The following ALG14 variants were observed in gnomAD, a reference collection of about 807,000 sequenced individuals.
The protein encoded by ALG14 is UDP-N-acetylglucosamine transferase subunit ALG14.
Under a neutral mutation model 22.8 loss-of-function variants are expected in ALG14, and 17 were observed. That is an observed-to-expected ratio of 0.75 (90% confidence interval 0.51 to 1.12). ALG14 has a LOEUF of 1.12. Among genes scored for constraint, ALG14 ranks in the 50% most tolerant of loss-of-function variants. The pLI is 0.00. For missense variants in ALG14, 288 were observed against 271.8 expected (o/e 1.06, Z -0.42); for synonymous variants, 89 against 103.7 (o/e 0.86, Z 0.86).
At position 94,981,593 on chromosome 1, in the gene ALG14, A is replaced by C. The variant is rs1484245972; in HGVS notation, c.*1483T>G. 6.6e-6 allele frequency: 1 copy of C among 151,360 alleles called. No individual in the cohort carries two copies. 9.4% of individuals were successfully genotyped at this position (151,360 alleles called of 1,614,324 possible). A position where few individuals can be genotyped will look rare whatever the true frequency, so the allele number is the denominator to read the frequency against. The stretch of plus-strand genomic sequence containing the variant: ...ACTAATCACTATTTATTAGATTTAT[A>C]TCATACTTATAAAGCAAAAGATTTA... On this transcript the variant is annotated 3_prime_UTR_variant, in exon 4 of 4. Transcript: ENST00000370205.
chr1:95,029,277 G>A (rs557033533), intron 2 of ALG14, among the ~76,000 whole-genome samples: 1 of 152,292 alleles, frequency 6.6e-6, no homozygotes, highest in East Asian at 1.9e-4. Context: ...TCTTTCCATA[G>A]GGCTCCTTAA....
At position 95,027,230 on chromosome 1, in the gene ALG14, T is replaced by C. The variant is rs1452506487; in HGVS notation, c.319A>G (p.Arg107Gly). The C allele has an allele frequency of 3.7e-6, 6 of 1,614,012 alleles. No individual in the cohort carries two copies. The highest frequency in any genetic ancestry group is 5.1e-6 in the Non-Finnish European group (6 of 1,179,998). Reference sequence around the variant, plus strand: ...CAGGACTGCTGAACCTCCCGGCTTCTTGGAATTCGGTGAATGTAGTATTTG... The same window carrying C: ...CAGGACTGCTGAACCTCCCGGCTTCCTGGAATTCGGTGAATGTAGTATTTG... ...YTKYYIHRIP[R>G]SREVQQSWPS... Residue 107 changes from arginine (R) to glycine (G), a missense_variant, in exon 3 of 4, where the codon AGA (arginine) becomes GGA (glycine). Arg to Gly is a moderately radical substitution (Grantham distance 125). Coordinates refer to ENST00000370205, the MANE Select transcript of ALG14 (RefSeq NM_144988.4).
intron 3 of ALG14, among the ~76,000 whole-genome samples, chr1:95,000,109 TAA>T (rs1347571583): frequency 6.6e-6 from 1 of 152,244 alleles, no homozygotes; most frequent in Non-Finnish European, 1.5e-5. Flanking sequence ...AGTTCCTTCC[TAA>T]ACTCACTGCC....
chr1:95,031,255 C>T (rs1371454368), intron 2 of ALG14, among the ~76,000 whole-genome samples: 1 of 152,150 alleles, frequency 6.6e-6, no homozygotes, highest in Non-Finnish European at 1.5e-5. Context: ...GGAGCCTCTT[C>T]CAAGTCAGAG....
At chr1:95,033,422 C>T (rs11165287) in intron 2 of ALG14, among the ~76,000 whole-genome samples, 2,122 of 69,386 alleles carry the variant, frequency 0.031, 13 homozygotes, top group South Asian at 0.048. Flanking sequence ...TATATATATA[C>T]ACACACACAC....
At chr1:95,045,277 T>C (rs1461508688) in intron 2 of ALG14, among the ~76,000 whole-genome samples, 7 of 152,180 alleles carry the variant, frequency 4.6e-5, no homozygotes, top group Middle Eastern at 3.2e-3. Context: ...ATACCTCTTA[T>C]TTCGACTTAG....
intron 3 of ALG14, among the ~76,000 whole-genome samples, chr1:95,003,106 T>A (rs1002298274): frequency 6.6e-5 from 10 of 152,214 alleles, no homozygotes; most frequent in Non-Finnish European, 1.3e-4. Flanking sequence ...GAGTATTAAC[T>A]ATGGAAGTTT....
At chr1:94,986,831 T>G (rs1672657842) in intron 3 of ALG14, among the ~76,000 whole-genome samples, 2 of 150,830 alleles carry the variant, frequency 1.3e-5, no homozygotes, top group African/African-American at 4.9e-5. Flanking sequence ...AACGAACCAC[T>G]GTATCCTTCG....
chr1:94,993,338 C>A (rs997971080), intron 3 of ALG14, among the ~76,000 whole-genome samples: 2 of 143,918 alleles, frequency 1.4e-5, no homozygotes, highest in Non-Finnish European at 1.5e-5. Flanking sequence ...TATTTTAAAT[C>A]TTATTTATAT....
chr1:95,055,947 T>C (rs1366560656), intron 2 of ALG14, among the ~76,000 whole-genome samples: 1 of 149,736 alleles, frequency 6.7e-6, no homozygotes, highest in Non-Finnish European at 1.5e-5. Flanking sequence ...GAGGCAGAGC[T>C]TGCAGTGAGC....
chr1:94,984,996 T>C (rs1319011493), intron 3 of ALG14, among the ~76,000 whole-genome samples: 2 of 152,188 alleles, frequency 1.3e-5, no homozygotes, highest in Admixed American at 6.5e-5. Context: ...GTATATGTGC[T>C]GCCAAAGTGA....
intron 1 of ALG14, among the ~76,000 whole-genome samples, chr1:95,065,966 C>G (rs1174342760): frequency 2.0e-5 from 3 of 152,160 alleles, no homozygotes; most frequent in Non-Finnish European, 4.4e-5. Flanking sequence ...CAGTCAAACT[C>G]CTTATCAAGG....
chr1:95,007,900 G>A (rs1202611105), intron 3 of ALG14, among the ~76,000 whole-genome samples: 1 of 152,214 alleles, frequency 6.6e-6, no homozygotes, highest in East Asian at 1.9e-4. Context: ...GAACAGACCA[G>A]TTCCAAGGTA....
intron 1 of ALG14, among the ~76,000 whole-genome samples, chr1:95,071,089 C>A (rs1675546549): frequency 6.6e-6 from 1 of 152,106 alleles, no homozygotes; most frequent in African/African-American, 2.4e-5. Context: ...CCTCTCTCAA[C>A]CCATGTAGAA....
intron 3 of ALG14, among the ~76,000 whole-genome samples, chr1:95,014,932 C>T (rs555748838): frequency 1.5e-4 from 23 of 152,288 alleles, no homozygotes; most frequent in African/African-American, 4.3e-4. Context: ...GAAAAAGACT[C>T]GAGTTCCTAA....
intron 2 of ALG14, chr1:95,035,925 C>T (rs960107902): frequency 7.2e-5 from 11 of 152,056 alleles, no homozygotes; most frequent in African/African-American, 2.4e-4. Flanking sequence ...TTCATTCAAC[C>T]AAAAATGGTT....
intron 3 of ALG14, among the ~76,000 whole-genome samples, chr1:95,018,166 A>T (rs911927819): frequency 6.6e-6 from 1 of 152,308 alleles, no homozygotes; most frequent in East Asian, 1.9e-4. Flanking sequence ...AACCAGAAAA[A>T]AAAGTAGATT....
At chr1:95,070,901 AATTT>A (rs555520829) in intron 1 of ALG14, among the ~76,000 whole-genome samples, 6 of 151,866 alleles carry the variant, frequency 4.0e-5, no homozygotes, top group African/African-American at 1.5e-4. Flanking sequence ...ACATCCACCT[AATTT>A]ATTTATTTAT....
chr1:95,043,846 A>G (rs1674461188), intron 2 of ALG14, among the ~76,000 whole-genome samples: 1 of 150,672 alleles, frequency 6.6e-6, no homozygotes, highest in Non-Finnish European at 1.5e-5. Context: ...GAAGGAGGGG[A>G]GAGGGAGAAG....
Sources: gnomAD v4.1 joint callset for allele counts (sites outside exome capture counted in the v4.1 genomes callset) on GRCh38, gnomAD v4.1.1 for gene constraint, MANE v1.5 for transcripts, NCBI Gene and HGNC (gene_info 2026-07-23, HGNC 2026-07-21) for gene names.